Variants in ZNF488 observed in about 807,000 individuals in gnomAD.
ZNF488 encodes the protein zinc finger protein 488.
A neutral mutation model predicts 1.2 loss-of-function variants in ZNF488; 1 was observed. That is an observed-to-expected ratio of 0.86 (90% CI 0.30 to 4.07). ZNF488 has a LOEUF of 4.07. Ranked by LOEUF, ZNF488 falls within the 30% of genes most tolerant of loss-of-function variation. The pLI, the probability that ZNF488 is intolerant of heterozygous loss-of-function variation, is 0.18. For synonymous variants in ZNF488, 185 were observed against 190.1 expected (o/e 0.97, Z 0.22); for missense variants, 450 against 437.9 (o/e 1.03, Z -0.25).
intron 1 of ZNF488, among the ~76,000 whole-genome samples, chr10:47,370,707 A>C (rs1555213760): frequency 1.3e-5 from 2 of 152,232 alleles, no homozygotes; most frequent in African/African-American, 4.8e-5. Context: ...ACGCAAGACG[A>C]AGCACTGTGC....
intron 1 of ZNF488, among the ~76,000 whole-genome samples, chr10:47,371,878 A>C (rs1246557799): frequency 6.6e-6 from 1 of 152,056 alleles, no homozygotes; most frequent in Non-Finnish European, 1.5e-5. Context: ...GGGCCTTCCC[A>C]GTGGGTGGAC....
intron 1 of ZNF488, among the ~76,000 whole-genome samples, chr10:47,382,936 T>C (rs1838034270): frequency 6.6e-6 from 1 of 152,258 alleles, no homozygotes; most frequent in African/African-American, 2.4e-5. Flanking sequence ...GGCTCTTTTA[T>C]AACTTAGTGC....
Position 47,367,756 on chromosome 10 carries a change from C to T in ZNF488, c.*51G>A. 6.4e-7 allele frequency: 1 copy of T among 1,556,042 alleles called. No individual in the cohort carries two copies. The highest frequency in any genetic ancestry group is 8.7e-7 in the Non-Finnish European group (1 of 1,152,610). ...CTCAACGCAGGCCCAGGGAGCCCCC[C>T]TCTGCCAAAGGCTGGCTGCTGCACC... On this transcript the variant is annotated 3_prime_UTR_variant, in exon 2 of 2. Transcript: ENST00000585316.
Position 47,367,555 on chromosome 10 carries a change from C to G in ZNF488, c.*252G>C. ...CCCATGATGTGTGCCAGGAGTTGCC[C>G]CTGCTCTCTGTGCCTGTTAGGGCCT... On this transcript the variant is annotated 3_prime_UTR_variant, in exon 2 of 2. Coordinates refer to ENST00000585316, the MANE Select transcript of ZNF488 (RefSeq NM_153034.4). 3.6e-6 allele frequency: 2 copies of G among 549,536 alleles called. No homozygotes were observed. The highest frequency in any genetic ancestry group is 2.7e-5 in the South Asian group (1 of 37,194). The allele number at this position is 549,536 out of a possible 1,614,324, so 34.0% of individuals were successfully genotyped here. A position where few individuals can be genotyped will look rare whatever the true frequency, so the allele number is the denominator to read the frequency against.
Position 47,368,370 on chromosome 10 carries a change from C to T in ZNF488, c.460G>A (p.Gly154Arg), listed in dbSNP as rs781849615. 1.4e-5 allele frequency: 22 copies of T among 1,614,056 alleles called. No individual in the cohort carries two copies. Among genetic ancestry groups the T allele is most frequent in the South Asian group, 1.3e-4 (12 of 91,088 alleles). Residue 154 changes from glycine to arginine, a missense_variant, in exon 2 of 2, where the codon GGA (glycine) becomes AGA (arginine). Physicochemically the swap from Gly to Arg is moderately radical, Grantham distance 125. Transcript: ENST00000585316. ...GSKVFSVWPS[G>R]ARSEQRSAFS... ...GCGCTTCTTTGCTCACTTCGTGCTC[C>T]GCTGGGCCACACAGAGAAGACTTTG...
chr10:47,372,526 GA>G (rs1354634995), intron 1 of ZNF488, among the ~76,000 whole-genome samples: 3 of 150,922 alleles, frequency 2.0e-5, no homozygotes, highest in African/African-American at 7.3e-5. Context: ...AGAAGACAGA[GA>G]CCAGTGTGAA....
chr10:47,382,381 A>G (rs1200931170), intron 1 of ZNF488, among the ~76,000 whole-genome samples: 1 of 119,680 alleles, frequency 8.4e-6, no homozygotes, highest in African/African-American at 3.3e-5. Context: ...ATGTTCTTAT[A>G]GAGGCACAGA....
intron 1 of ZNF488, among the ~76,000 whole-genome samples, chr10:47,381,447 AAT>A: frequency 6.6e-6 from 1 of 152,294 alleles, no homozygotes; most frequent in African/African-American, 2.4e-5. Flanking sequence ...TAAGAAAGGG[AAT>A]ACACCTGTTT....
rs782636127 is a variant in ZNF488 at position 47,368,235 on chromosome 10, T to C, written c.595A>G (p.Thr199Ala). The C allele has an allele frequency of 1.2e-6, 2 of 1,614,120 alleles. No individual in the cohort carries two copies. Among genetic ancestry groups the C allele is most frequent in the South Asian group, 2.2e-5 (2 of 91,072 alleles). The stretch of plus-strand genomic sequence containing the variant: ...AGTCGACCCCAACAAGCGAGGTCTG[T>C]AGTGTTGAGGAGTCCAGACAGCTCC... Reference protein sequence around the residue: ...LGELSGLLNTTDLACWGRLST... With the variant: ...LGELSGLLNTADLACWGRLST... The change falls in exon 2 of 2, where the codon ACA becomes GCA. Residue 199 changes from threonine (T) to alanine (A), a missense_variant. Physicochemically the swap from Thr to Ala is moderately conservative, Grantham distance 58 (BLOSUM62 0). Transcript: ENST00000585316.
chr10:47,380,681 CACCT>C (rs1837905473), intron 1 of ZNF488, among the ~76,000 whole-genome samples: 54 of 148,650 alleles, frequency 3.6e-4, no homozygotes, highest in South Asian at 8.5e-4. Flanking sequence ...CCCACATTAT[CACCT>C]TGACCAGGTT....
At chr10:47,377,488 C>T (rs1369108709) in intron 1 of ZNF488, among the ~76,000 whole-genome samples, 8 of 152,100 alleles carry the variant, frequency 5.3e-5, no homozygotes, top group Admixed American at 6.6e-5. Flanking sequence ...TGACAACTCA[C>T]CTCAGCTCAG....
At chr10:47,372,666 T>A (rs1837522356) in intron 1 of ZNF488, among the ~76,000 whole-genome samples, 1 of 152,220 alleles carries the variant, frequency 6.6e-6, no homozygotes, top group Non-Finnish European at 1.5e-5. Context: ...CATGAAAATT[T>A]CAGAAAGTGC....
rs1456555770 is a variant in ZNF488, at chr10:47,368,234, G to A, written c.596C>T (p.Thr199Ile). 6.2e-7 allele frequency: 1 copy of A among 1,614,232 alleles called. No homozygotes were observed. Among genetic ancestry groups the A allele is most frequent in the Middle Eastern group, 1.6e-4 (1 of 6,062 alleles). The part of the protein sequence containing the change: ...LGELSGLLNT[T>I]DLACWGRLST... ...AAGTCGACCCCAACAAGCGAGGTCTGTAGTGTTGAGGAGTCCAGACAGCTC... is the reference window on the plus strand; with the variant it reads ...AAGTCGACCCCAACAAGCGAGGTCTATAGTGTTGAGGAGTCCAGACAGCTC... Residue 199 changes from threonine (T) to isoleucine (I), a missense_variant, in exon 2 of 2, where the codon ACA becomes ATA. By Grantham distance (89) the Thr-to-Ile change is moderately conservative. Coordinates refer to ENST00000585316, the MANE Select transcript of ZNF488 (RefSeq NM_153034.4).
rs782493744 is a variant in ZNF488 at position 47,368,179 on chromosome 10, C to T, written c.651G>A (p.Leu217=). ...LSTPKLLVGD[L]WNLQALPQNA... ...TCTGTGGCAATGCTTGCAAGTTCCA[C>T]AAATCACCAACCAAAAGCTTGGGAG... The change falls in exon 2 of 2, where the codon TTG becomes TTA. Residue 217 remains leucine (L), a synonymous_variant. Transcript: ENST00000585316. The T allele has an allele frequency of 1.2e-6, 2 of 1,614,210 alleles. No homozygotes were observed. The highest frequency in any genetic ancestry group is 1.7e-5 in the Admixed American group (1 of 60,026).
At chr10:47,371,307 AG>A (rs1474825987) in intron 1 of ZNF488, among the ~76,000 whole-genome samples, 1 of 152,206 alleles carries the variant, frequency 6.6e-6, no homozygotes, top group African/African-American at 2.4e-5. Context: ...GGGAAAAAAA[AG>A]CTTATAATAC....
chr10:47,380,421 C>T (rs1837887738), intron 1 of ZNF488, among the ~76,000 whole-genome samples: 1 of 152,300 alleles, frequency 6.6e-6, no homozygotes, highest in African/African-American at 2.4e-5. Flanking sequence ...ACTGAGCTCC[C>T]CAAGTCTACA....
At chr10:47,379,226 C>T (rs1024096263) in intron 1 of ZNF488, among the ~76,000 whole-genome samples, 13 of 148,522 alleles carry the variant, frequency 8.8e-5, no homozygotes, top group Admixed American at 4.6e-4. Flanking sequence ...AATAAGGCAC[C>T]TTGTTCATTT....
At chr10:47,377,134 C>T (rs918205069) in intron 1 of ZNF488, among the ~76,000 whole-genome samples, 2 of 152,206 alleles carry the variant, frequency 1.3e-5, no homozygotes, top group Non-Finnish European at 2.9e-5. Flanking sequence ...GTGGGGTGGA[C>T]TGCAGGGTCC....
rs1251240423 is a variant in ZNF488, at chr10:47,367,559, C to T, written c.*248G>A. The T allele has an allele frequency of 1.6e-5, 9 of 554,080 alleles. No homozygotes were observed. Among genetic ancestry groups the T allele is most frequent in the Admixed American group, 3.6e-5 (1 of 28,034 alleles). The allele number at this position is 554,080 out of a possible 1,614,324, so 34.3% of individuals were successfully genotyped here. A position where few individuals can be genotyped will look rare whatever the true frequency, so the allele number is the denominator to read the frequency against. ...TGATGTGTGCCAGGAGTTGCCCCTG[C>T]TCTCTGTGCCTGTTAGGGCCTCTAC... On this transcript the variant is annotated 3_prime_UTR_variant, in exon 2 of 2. Transcript: ENST00000585316.
Sources: allele counts gnomAD v4.1 joint callset (sites outside exome capture counted in the v4.1 genomes callset), GRCh38; gene constraint gnomAD v4.1.1; transcripts MANE v1.5; gene names NCBI Gene and HGNC (gene_info 2026-07-23, HGNC 2026-07-21).